Variants in HOMER1 observed in about 807,000 individuals in gnomAD.
The protein encoded by HOMER1 is homer protein homolog 1.
HOMER1 carries 3 observed loss-of-function variants against 48.9 expected under a neutral mutation model. The ratio of observed to expected loss-of-function variants is 0.06; its 90% CI spans 0.03 to 0.16. The LOEUF (loss-of-function observed/expected upper bound fraction) is 0.16, where lower values mean the gene tolerates loss of function less well. Among genes scored for constraint, HOMER1 ranks in the 10% least tolerant of loss-of-function variants. The pLI is 1.00. For missense variants in HOMER1, 247 were observed against 411.4 expected, an observed-to-expected ratio of 0.60 and a Z score of 3.46; for synonymous variants, 134 against 146.4, an observed-to-expected ratio of 0.92 and a Z score of 0.61.
At chr5:79,481,075 T>C (rs959323207) in intron 1 of HOMER1, among the ~76,000 whole-genome samples, 2 of 152,226 alleles carry the variant, frequency 1.3e-5, no homozygotes, top group African/African-American at 4.8e-5. Context: ...CACATTTACA[T>C]TTCATACTTT....
intron 1 of HOMER1, among the ~76,000 whole-genome samples, chr5:79,463,867 T>G (rs764931642): frequency 3.3e-5 from 5 of 152,174 alleles, no homozygotes; most frequent in Non-Finnish European, 5.9e-5. Flanking sequence ...AATTCACCAC[T>G]AGTTGACTTT....
At chr5:79,393,566 C>A (rs1313518830) in intron 8 of HOMER1, among the ~76,000 whole-genome samples, 2 of 152,112 alleles carry the variant, frequency 1.3e-5, no homozygotes. Context: ...TAAGAGATGG[C>A]AAAGAACGGG....
rs202065627 is a variant in HOMER1 at position 79,496,111 on chromosome 5, T to C, written c.5+16659A>G. On this transcript the variant is annotated intron_variant, in intron 1 of 8. Transcript: ENST00000334082. ...CCTGGTTTGACAAAACCAAGGAAAC[T>C]ATAATAAAAGTGCCTGCAAAGAGGG... 6.8e-4 allele frequency among the ~76,000 whole-genome samples: 103 copies of C among 152,222 alleles called. 1 individual carries two copies. The highest frequency in any genetic ancestry group is 4.1e-3 in the Admixed American group (62 of 15,288).
At chr5:79,388,016 G>A (rs558163036) in intron 8 of HOMER1, among the ~76,000 whole-genome samples, 11 of 152,244 alleles carry the variant, frequency 7.2e-5, no homozygotes, top group Non-Finnish European at 1.5e-4. Context: ...AGAGTTGTGG[G>A]GGCAATGCCC....
chr5:79,392,144 ATATT>A (rs920869769), intron 8 of HOMER1, among the ~76,000 whole-genome samples: 6 of 152,196 alleles, frequency 3.9e-5, no homozygotes, highest in Admixed American at 3.3e-4. Context: ...ACTGGTTTAT[ATATT>A]TATTATACTA....
At position 79,376,129 on chromosome 5, in the gene HOMER1, A is replaced by C. The variant is rs770113550; in HGVS notation, c.945T>G (p.Ser315Arg). 6 of 1,613,614 alleles carry C rather than the reference A, an allele frequency of 3.7e-6. No individual in the cohort carries two copies. Among genetic ancestry groups the C allele is most frequent in the Non-Finnish European group, 5.1e-6 (6 of 1,179,794 alleles). Residue 315 changes from serine (S) to arginine (R), a missense_variant, in exon 9 of 9, where the codon AGT becomes AGG. Ser to Arg is a moderately radical substitution (Grantham distance 110). This residue lies in a region of HOMER1 where 113 missense variants were observed against 152.5 expected (regional missense o/e 0.74). Transcript: ENST00000334082. ...TGCGAAAAGCTTCTTGTTCATTCTG[A>C]CTTTTCTCCAGACGTTGCTCTAAGT... Reference protein sequence around the residue: ...LSDLEQRLEKSQNEQEAFRNN... With the variant: ...LSDLEQRLEKRQNEQEAFRNN...
chr5:79,510,585 A>C lies in HOMER1; in HGVS notation c.5+2185T>G, dbSNP rs1752913235. 3.7e-6 allele frequency: 3 copies of C among 811,976 alleles called. No individual in the cohort carries two copies. In the South Asian group the frequency reaches 4.1e-5, roughly 11 times the overall value. The allele number at this position is 811,976 out of a possible 1,614,324, so 50.3% of individuals were successfully genotyped here. A position where few individuals can be genotyped will look rare whatever the true frequency, so the allele number is the denominator to read the frequency against. On this transcript the variant is annotated intron_variant, in intron 1 of 8. Transcript: ENST00000334082. ...ATGCAGTTTGCCAAGAAACACAACA[A>C]GAAGGGCCTAAAGAAGATGCAGGCT...
intron 1 of HOMER1, among the ~76,000 whole-genome samples, chr5:79,493,286 C>T (rs962087151): frequency 1.3e-5 from 2 of 152,158 alleles, no homozygotes; most frequent in African/African-American, 4.8e-5. Flanking sequence ...TAGACGGCTT[C>T]AAGAACACCA....
intron 1 of HOMER1, among the ~76,000 whole-genome samples, chr5:79,503,622 C>A (rs1355188606): frequency 9.2e-5 from 14 of 151,354 alleles, no homozygotes; most frequent in Admixed American, 9.2e-4. Flanking sequence ...AGGTGGTTCA[C>A]CCGAGGTCAG....
intron 1 of HOMER1, among the ~76,000 whole-genome samples, chr5:79,488,038 C>T (rs1752163858): frequency 6.6e-6 from 1 of 152,132 alleles, no homozygotes; most frequent in South Asian, 2.1e-4. Context: ...ACTTTCTGTA[C>T]ACTTAATACA....
intron 1 of HOMER1, chr5:79,510,690 C>T (rs1483735867): frequency 3.5e-5 from 31 of 888,784 alleles, no homozygotes; most frequent in East Asian, 1.7e-4. Context: ...CCCAAGATCC[C>T]AAAGGGTGTC....
chr5:79,454,711 A>T (rs561836760), intron 2 of HOMER1, among the ~76,000 whole-genome samples: 1 of 152,294 alleles, frequency 6.6e-6, no homozygotes, highest in Admixed American at 6.5e-5. Context: ...TAGTTAACCT[A>T]GTTAAGGAGA....
In HOMER1 at chr5:79,414,146, G is replaced by T. The variant is rs1749879639; in HGVS notation, c.528-12091C>A. Among the ~76,000 whole-genome samples, 3 of 152,008 alleles carry T rather than the reference G, an allele frequency of 2.0e-5. No homozygotes were observed. In the South Asian group the frequency reaches 6.2e-4, roughly 31 times the overall value. On this transcript the variant is annotated intron_variant, in intron 5 of 8. Coordinates refer to ENST00000334082, the MANE Select transcript of HOMER1 (RefSeq NM_004272.5). Reference sequence around the variant, plus strand: ...TTTGTTACCCAGGCTGGAGTGCAGTGATGTGATCACTGCAACCTCTGCCTC... The same window carrying T: ...TTTGTTACCCAGGCTGGAGTGCAGTTATGTGATCACTGCAACCTCTGCCTC...
At chr5:79,438,588 T>C (rs917396336) in intron 5 of HOMER1, among the ~76,000 whole-genome samples, 2 of 152,292 alleles carry the variant, frequency 1.3e-5, no homozygotes, top group Non-Finnish European at 1.5e-5. Context: ...TAAAGCTTAA[T>C]TTCAGAGTGG....
At chr5:79,505,046 G>A (rs1345675984) in intron 1 of HOMER1, among the ~76,000 whole-genome samples, 1 of 152,048 alleles carries the variant, frequency 6.6e-6, no homozygotes, top group African/African-American at 2.4e-5. Flanking sequence ...GAAAGGCCAG[G>A]GTGGGTGGAG....
At chr5:79,461,060 G>T (rs1308589346) in intron 1 of HOMER1, among the ~76,000 whole-genome samples, 3 of 152,146 alleles carry the variant, frequency 2.0e-5, no homozygotes, top group Admixed American at 2.0e-4. Flanking sequence ...CACTTGTTTG[G>T]AGCTCAGAGA....
intron 5 of HOMER1, 68 bp downstream of exon 5, chr5:79,438,942 G>A: frequency 7.1e-7 from 1 of 1,401,324 alleles, no homozygotes; most frequent in South Asian, 1.2e-5. Flanking sequence ...AACTACAAGG[G>A]TTCCTGAAAC....
intron 1 of HOMER1, among the ~76,000 whole-genome samples, chr5:79,500,976 A>T (rs1752568740): frequency 6.7e-6 from 1 of 148,312 alleles, no homozygotes; most frequent in African/African-American, 2.5e-5. Flanking sequence ...ACACACACAC[A>T]CACACACACA....
At chr5:79,392,988 A>AGAGAGAGAGAGAGAGAGAGAG (rs56107183) in intron 8 of HOMER1, among the ~76,000 whole-genome samples, 1 of 134,668 alleles carries the variant, frequency 7.4e-6, no homozygotes, top group South Asian at 2.4e-4. Context: ...AGAGAGAGAG[A>AGAGAGAGAGAGAGAGAGAGAG]AGAGAGCCAT....
Sources: allele counts gnomAD v4.1 joint callset (sites outside exome capture counted in the v4.1 genomes callset), GRCh38; gene constraint gnomAD v4.1.1; regional missense constraint gnomAD v4.1.1; transcripts MANE v1.5; gene names NCBI Gene and HGNC (gene_info 2026-07-23, HGNC 2026-07-21).